The following UBE2G1 variants were observed in gnomAD, a reference collection of about 807,000 sequenced individuals.
UBE2G1 encodes ubiquitin conjugating enzyme E2 G1.
Under a neutral mutation model 22.7 loss-of-function variants are expected in UBE2G1, and 5 were observed. That is an observed-to-expected ratio of 0.22 (90% CI 0.12 to 0.46). The LOEUF is 0.46. Among genes scored for constraint, UBE2G1 ranks in the 20% least tolerant of loss-of-function variants. The probability of loss-of-function intolerance (pLI) is 0.99; values close to 1 mark genes in which losing one functional copy is unlikely to be tolerated. For synonymous variants in UBE2G1, 74 were observed against 67.5 expected (o/e 1.10, Z -0.47); for missense variants, 88 against 203.9 (o/e 0.43, Z 3.46).
chr17:4,323,780 C>A (rs368543070), intron 1 of UBE2G1, among the ~76,000 whole-genome samples: 1 of 152,138 alleles, frequency 6.6e-6, no homozygotes, highest in Non-Finnish European at 1.5e-5. Flanking sequence ...TGGGCTCAAG[C>A]AATCTGCCCA....
chr17:4,366,137 GCCTCGAGGTCCCCAC>G, intron 1 of UBE2G1, 119 bp downstream of exon 1: 1 of 912,328 alleles, frequency 1.1e-6, no homozygotes, highest in Non-Finnish European at 1.5e-6. Flanking sequence ...CGGGACCGGA[GCCTCGAGGTCCCCAC>G]CCTCGCAGGC....
intron 5 of UBE2G1, among the ~76,000 whole-genome samples, chr17:4,276,038 A>G (rs951463592): frequency 3.3e-5 from 5 of 152,110 alleles, no homozygotes; most frequent in African/African-American, 1.2e-4. Flanking sequence ...GCAGTCTCCA[A>G]GTTGTCCTTG....
chr17:4,364,641 C>T (rs1970011707), intron 1 of UBE2G1, among the ~76,000 whole-genome samples: 1 of 150,162 alleles, frequency 6.7e-6, no homozygotes, highest in Non-Finnish European at 1.5e-5. Flanking sequence ...AAAGCAATGG[C>T]GCGATCTCAG....
chr17:4,308,230 G>A (rs1187884709), intron 1 of UBE2G1, among the ~76,000 whole-genome samples: 3 of 152,204 alleles, frequency 2.0e-5, no homozygotes, highest in Non-Finnish European at 4.4e-5. Context: ...GCACATGCCT[G>A]TAATCCCAGT....
chr17:4,284,122 A>AC (rs1245202248), intron 4 of UBE2G1, among the ~76,000 whole-genome samples: 1 of 146,788 alleles, frequency 6.8e-6, no homozygotes, highest in Non-Finnish European at 1.5e-5. Flanking sequence ...GTGACACTGC[A>AC]CTCCAGCCTG....
Position 4,269,707 on chromosome 17 carries a change from T to C in UBE2G1, c.*2847A>G, listed in dbSNP as rs1968729344. 5.4e-6 allele frequency: 1 copy of C among 186,214 alleles called. No homozygotes were observed. The highest frequency in any genetic ancestry group is 2.4e-5 in the African/African-American group (1 of 41,568). 11.5% of individuals were successfully genotyped at this position (186,214 alleles called of 1,614,324 possible). On this transcript the variant is annotated 3_prime_UTR_variant, in exon 6 of 6. Coordinates refer to ENST00000396981, the MANE Select transcript of UBE2G1 (RefSeq NM_003342.5). ...AGGCCAGAAAGCCACTCAGATCATC[T>C]ATCCCATACAAGCACAGACTGAAAT...
chr17:4,293,267 TTAATA>T (rs1969065999), intron 3 of UBE2G1, among the ~76,000 whole-genome samples: 1 of 152,236 alleles, frequency 6.6e-6, no homozygotes, highest in African/African-American at 2.4e-5. Flanking sequence ...CTTTGTTCAC[TTAATA>T]TAATGTTTCC....
At chr17:4,305,087 G>C (rs1969233845) in intron 2 of UBE2G1, among the ~76,000 whole-genome samples, 1 of 151,660 alleles carries the variant, frequency 6.6e-6, no homozygotes, top group Non-Finnish European at 1.5e-5. Context: ...CGAGTAGCTG[G>C]GATTACAGGC....
At chr17:4,318,442 G>A (rs1057141288) in intron 1 of UBE2G1, among the ~76,000 whole-genome samples, 1 of 152,140 alleles carries the variant, frequency 6.6e-6, no homozygotes, top group East Asian at 1.9e-4. Context: ...AGGCCTGAGA[G>A]CTGCCAATAG....
At chr17:4,312,606 A>G (rs55936016) in intron 1 of UBE2G1, among the ~76,000 whole-genome samples, 82,601 of 150,282 alleles carry the variant, frequency 0.55, 25,812 homozygotes, top group East Asian at 0.81. Context: ...TGAGGCAGGA[A>G]AATGGCGTGA....
intron 2 of UBE2G1, 29 bp from the exon 3 acceptor site, chr17:4,296,843 G>C (rs1969118486): frequency 6.3e-7 from 1 of 1,585,628 alleles, no homozygotes; most frequent in African/African-American, 1.4e-5. Context: ...AGAAGTTCTT[G>C]CCTATAAGTT....
chr17:4,338,558 C>A (rs1221042313), intron 1 of UBE2G1, among the ~76,000 whole-genome samples: 1 of 152,150 alleles, frequency 6.6e-6, no homozygotes, highest in Non-Finnish European at 1.5e-5. Flanking sequence ...TTAAACTATC[C>A]TATGAAACAG....
intron 5 of UBE2G1, among the ~76,000 whole-genome samples, chr17:4,279,806 T>C (rs1402922080): frequency 2.0e-4 from 2 of 9,958 alleles, no homozygotes; most frequent in African/African-American, 2.4e-4. Flanking sequence ...TATATATATA[T>C]ATATATATAT....
At position 4,315,888 on chromosome 17, in the gene UBE2G1, G is replaced by A. The variant is rs190461809; in HGVS notation, c.47-8765C>T. On this transcript the variant is annotated intron_variant, in intron 1 of 5. Transcript: ENST00000396981. ...GTGGCGCGATCTCAGCTCACTACAA[G>A]CTCCACCTCCTGGGTTCACGCCATT... is the stretch of plus-strand genomic sequence containing the variant. Among the ~76,000 whole-genome samples the A allele has an allele frequency of 2.2e-3, 305 of 138,888 alleles. 1 individual carries two copies. The highest frequency in any genetic ancestry group is 8.0e-3 in the African/African-American group (292 of 36,480). The allele number at this position is 138,888 out of a possible 152,430, so 91.1% of individuals were successfully genotyped here.
At chr17:4,300,655 C>T (rs1453230721) in intron 2 of UBE2G1, among the ~76,000 whole-genome samples, 5 of 151,516 alleles carry the variant, frequency 3.3e-5, no homozygotes, top group Admixed American at 1.3e-4. Flanking sequence ...AGTATAAGTA[C>T]TATCATGATA....
intron 1 of UBE2G1, among the ~76,000 whole-genome samples, chr17:4,360,710 A>G (rs1011283159): frequency 6.6e-6 from 1 of 152,026 alleles, no homozygotes; most frequent in African/African-American, 2.4e-5. Context: ...CCGGGAGTTC[A>G]AGACCAGCCT....
At chr17:4,321,014 G>A (rs1055340109) in intron 1 of UBE2G1, among the ~76,000 whole-genome samples, 7 of 152,090 alleles carry the variant, frequency 4.6e-5, no homozygotes, top group East Asian at 1.9e-4. Flanking sequence ...ATTGCCAGGC[G>A]GTGTGAACCT....
intron 2 of UBE2G1, among the ~76,000 whole-genome samples, chr17:4,303,466 T>G (rs753253932): frequency 3.3e-5 from 5 of 152,200 alleles, no homozygotes; most frequent in African/African-American, 9.6e-5. Context: ...GTTTTTACCC[T>G]AGAAATGAAA....
chr17:4,351,457 G>T (rs1969843918), intron 1 of UBE2G1, among the ~76,000 whole-genome samples: 1 of 152,160 alleles, frequency 6.6e-6, no homozygotes, highest in Non-Finnish European at 1.5e-5. Flanking sequence ...GAATTTTGTT[G>T]TATCCATTTG....
Sources: allele counts gnomAD v4.1 joint callset (sites outside exome capture counted in the v4.1 genomes callset), GRCh38; gene constraint gnomAD v4.1.1; transcripts MANE v1.5; gene names NCBI Gene and HGNC (gene_info 2026-07-23, HGNC 2026-07-21).